EIF4G3: variants seen among roughly 807,000 people sequenced by gnomAD.
The protein encoded by EIF4G3 is eIF-4-gamma 3.
A neutral mutation model predicts 186.4 loss-of-function variants in EIF4G3; 34 were observed. The observed-to-expected ratio is 0.18, with a 90% CI of 0.14 to 0.24. EIF4G3 has a LOEUF of 0.24. Among genes scored for constraint, EIF4G3 ranks in the 10% least tolerant of loss-of-function variants. The pLI is 1.00. For synonymous variants in EIF4G3, 673 were observed against 679.5 expected (o/e 0.99, Z 0.15); for missense variants, 1,536 against 1,948.5 (o/e 0.79, Z 3.99).
chr1:20,889,804 A>T (rs908673412), intron 18 of EIF4G3, among the ~76,000 whole-genome samples: 3 of 151,956 alleles, frequency 2.0e-5, no homozygotes, highest in Non-Finnish European at 4.4e-5. Context: ...ATTTTATTTT[A>T]AAAATAACTA....
At position 20,865,241 on chromosome 1, in the gene EIF4G3, T is replaced by G; in HGVS notation, c.2644A>C (p.Lys882Gln). Residue 882 changes from lysine to glutamine, a missense_variant, in exon 21 of 37, where the codon AAG becomes CAG. Lys to Gln is a moderately conservative substitution (Grantham distance 53). Coordinates refer to ENST00000602326, the MANE Select transcript of EIF4G3 (RefSeq NM_001391906.1). ...CGGAAATTCACTGTGTTACCAGGCT[T>G]GTCTGCCATGGGTACTTTCAGCTAC... ...LVTLKVPMAD[K>Q]PGNTVNFRKL... The G allele has an allele frequency of 6.2e-7, 1 of 1,614,102 alleles. No homozygotes were observed. Among genetic ancestry groups the G allele is most frequent in the South Asian group, 1.1e-5 (1 of 91,060 alleles).
intron 12 of EIF4G3, among the ~76,000 whole-genome samples, chr1:20,962,772 G>T (rs1006945456): frequency 6.6e-6 from 1 of 151,980 alleles, no homozygotes; most frequent in Non-Finnish European, 1.5e-5. Flanking sequence ...AGTGTCACAG[G>T]GTATTTTAAG....
chr1:20,840,048 T>A (rs1411462292), intron 30 of EIF4G3, among the ~76,000 whole-genome samples: 2 of 152,202 alleles, frequency 1.3e-5, no homozygotes, highest in Non-Finnish European at 2.9e-5. Flanking sequence ...CTAGTTGCTA[T>A]TCCCTTAGAG....
intron 12 of EIF4G3, among the ~76,000 whole-genome samples, chr1:20,956,413 C>T (rs1046528698): frequency 6.6e-6 from 1 of 152,040 alleles, no homozygotes; most frequent in Non-Finnish European, 1.5e-5. Context: ...AGAGGCAAGA[C>T]AGAAGCAGAG....
intron 28 of EIF4G3, among the ~76,000 whole-genome samples, chr1:20,850,210 C>T (rs2072850673): frequency 6.6e-6 from 1 of 152,174 alleles, no homozygotes; most frequent in Non-Finnish European, 1.5e-5. Context: ...GATCAAGGGC[C>T]TCACATTCAC....
Position 20,849,445 on chromosome 1 carries a change from A to G in EIF4G3, c.3858T>C (p.Ile1286=). 1 of 1,557,122 alleles carries G rather than the reference A, an allele frequency of 6.4e-7. No homozygotes were observed. Among genetic ancestry groups the G allele is most frequent in the Non-Finnish European group, 8.7e-7 (1 of 1,154,964 alleles). The change falls in exon 29 of 37, where the codon ATT becomes ATC. Residue 1286 remains isoleucine (I), a synonymous_variant. Coordinates refer to ENST00000602326, the MANE Select transcript of EIF4G3 (RefSeq NM_001391906.1). ...EELERKSKSI[I]DEFLHINDFK... ...AATCATTAATGTGTAGAAATTCATC[A>G]ATGATAGATTTCGACTTCCTCTCCA...
At chr1:21,176,593 TCCGCCGCCG>T (rs901105837) in intron 1 of EIF4G3, 120 bp downstream of exon 1, 14 of 153,492 alleles carry the variant, frequency 9.1e-5, no homozygotes, top group Non-Finnish European at 1.6e-4. Flanking sequence ...CGCCGCCGCC[TCCGCCGCCG>T]CCGCCGCCGG....
chr1:20,854,901 C>T (rs1279457419), intron 26 of EIF4G3, 77 bp downstream of exon 26: 5 of 1,212,930 alleles, frequency 4.1e-6, no homozygotes, highest in South Asian at 2.7e-5. Flanking sequence ...AACCATCATT[C>T]GATGACTATG....
intron 3 of EIF4G3, among the ~76,000 whole-genome samples, chr1:21,087,880 G>C (rs1380441132): frequency 2.6e-5 from 4 of 151,866 alleles, no homozygotes; most frequent in Admixed American, 6.6e-5. Flanking sequence ...TGATCCACCT[G>C]CCTCGGCCTC....
intron 3 of EIF4G3, among the ~76,000 whole-genome samples, 170 bp from the exon 4 acceptor site, chr1:21,051,164 C>A (rs1382067080): frequency 6.6e-6 from 1 of 152,056 alleles, no homozygotes; most frequent in Non-Finnish European, 1.5e-5. Context: ...AAACAGAATT[C>A]TTTAAAAATA....
intron 10 of EIF4G3, among the ~76,000 whole-genome samples, chr1:20,974,755 A>G (rs1354040783): frequency 2.6e-5 from 4 of 152,256 alleles, no homozygotes; most frequent in South Asian, 2.1e-4. Flanking sequence ...GGAAGGGGGG[A>G]AAATTGTCAA....
chr1:21,172,119 A>G (rs2097990021), intron 2 of EIF4G3, among the ~76,000 whole-genome samples: 1 of 7,700 alleles, frequency 1.3e-4, no homozygotes, highest in Non-Finnish European at 3.8e-4. Context: ...CTCCTCTAGC[A>G]AAAAAAAAAA....
chr1:21,020,869 T>G (rs889661503), intron 4 of EIF4G3, among the ~76,000 whole-genome samples: 1 of 152,270 alleles, frequency 6.6e-6, no homozygotes, highest in Non-Finnish European at 1.5e-5. Flanking sequence ...ACGTATTTCC[T>G]ACTTTATATA....
intron 19 of EIF4G3, among the ~76,000 whole-genome samples, chr1:20,884,842 T>C (rs1257039829): frequency 6.6e-6 from 1 of 152,220 alleles, no homozygotes; most frequent in Non-Finnish European, 1.5e-5. Context: ...GAATTTACTC[T>C]CTCTAACAGT....
At chr1:21,003,861 AC>A in intron 4 of EIF4G3, 1 of 303,482 alleles carries the variant, frequency 3.3e-6, no homozygotes, top group Non-Finnish European at 6.3e-6. Context: ...ACCTAGTAAG[AC>A]TCTGGTGGTT....
chr1:21,167,853 A>T, intron 2 of EIF4G3: 1 of 286,082 alleles, frequency 3.5e-6, no homozygotes, highest in Non-Finnish European at 7.3e-6. Flanking sequence ...TAATAAAGAA[A>T]TGTAAATAAT....
At chr1:20,937,575 T>C (rs1291611622) in intron 14 of EIF4G3, among the ~76,000 whole-genome samples, 1 of 151,954 alleles carries the variant, frequency 6.6e-6, no homozygotes, top group Admixed American at 6.6e-5. Flanking sequence ...AATAGAAAAA[T>C]TAGAAATCTC....
At chr1:21,041,243 C>T (rs2093562621) in intron 4 of EIF4G3, among the ~76,000 whole-genome samples, 1 of 152,094 alleles carries the variant, frequency 6.6e-6, no homozygotes, top group Non-Finnish European at 1.5e-5. Flanking sequence ...ATTACCTCCG[C>T]ATCCTCCTTT....
intron 14 of EIF4G3, among the ~76,000 whole-genome samples, chr1:20,927,255 A>G (rs552877694): frequency 7.2e-5 from 11 of 152,192 alleles, no homozygotes; most frequent in Non-Finnish European, 1.6e-4. Flanking sequence ...TGAAGACAGC[A>G]TCAAGGAAAC....
Sources: allele counts gnomAD v4.1 joint callset (sites outside exome capture counted in the v4.1 genomes callset), GRCh38; gene constraint gnomAD v4.1.1; transcripts MANE v1.5; gene names NCBI Gene and HGNC (gene_info 2026-07-23, HGNC 2026-07-21).